Variants in CEP85L observed in about 807,000 individuals in gnomAD.
The protein encoded by CEP85L is centrosomal protein 85L.
A neutral mutation model predicts 100.3 loss-of-function variants in CEP85L; 60 were observed. That is an observed-to-expected ratio of 0.60 (90% CI 0.49 to 0.74). CEP85L has a LOEUF of 0.74. CEP85L is among the 30% of genes least tolerant of loss of function. CEP85L has a pLI of 0.00. For synonymous variants in CEP85L, 319 were observed against 322.7 expected (o/e 0.99, Z 0.12); for missense variants, 973 against 936.2 (o/e 1.04, Z -0.51).
Position 118,494,731 on chromosome 6 carries a change from T to C in CEP85L, c.1258-2866A>G, listed in dbSNP as rs548509485. Among the ~76,000 whole-genome samples the C allele has an allele frequency of 8.0e-4, 122 of 152,300 alleles. 1 individual carries two copies. The highest frequency in any genetic ancestry group is 6.8e-3 in the Middle Eastern group (2 of 294). ...TACCACTGCATTACTAAAGCTCTAT[T>C]TACCACACTTATTAAACCTTGGACA... On this transcript the variant is annotated intron_variant, in intron 5 of 12. Coordinates refer to ENST00000368491, the MANE Select transcript of CEP85L (RefSeq NM_001042475.3).
chr6:118,629,158 A>G (rs1309647986), intron 2 of CEP85L, among the ~76,000 whole-genome samples: 1 of 152,260 alleles, frequency 6.6e-6, no homozygotes, highest in Non-Finnish European at 1.5e-5. Flanking sequence ...GTAAGTGTGT[A>G]GATTATATGT....
At chr6:118,668,831 T>C (rs1407776237) in intron 1 of CEP85L, among the ~76,000 whole-genome samples, 1 of 152,196 alleles carries the variant, frequency 6.6e-6, no homozygotes, top group East Asian at 1.9e-4. Context: ...CTCTTTGTTT[T>C]CATGTTGAAT....
At chr6:118,567,247 GTGTATA>G (rs1225455153) in intron 2 of CEP85L, among the ~76,000 whole-genome samples, 29 of 31,916 alleles carry the variant, frequency 9.1e-4, no homozygotes, top group Middle Eastern at 0.019. Flanking sequence ...GTGTGTGTGT[GTGTATA>G]TATATATATA....
chr6:118,649,332 C>T (rs899101394), intron 1 of CEP85L, among the ~76,000 whole-genome samples: 1 of 152,164 alleles, frequency 6.6e-6, no homozygotes, highest in African/African-American at 2.4e-5. Context: ...CAAATTTCTT[C>T]AATTAGGGTA....
At chr6:118,534,563 G>C (rs1002076108) in intron 3 of CEP85L, among the ~76,000 whole-genome samples, 3 of 152,182 alleles carry the variant, frequency 2.0e-5, no homozygotes, top group African/African-American at 7.2e-5. Flanking sequence ...TGAGGCAGGA[G>C]AATCGCTTGA....
chr6:118,567,249 G>GTATATATATATA (rs57181233), intron 2 of CEP85L, among the ~76,000 whole-genome samples: 1 of 43,766 alleles, frequency 2.3e-5, no homozygotes, highest in Non-Finnish European at 4.4e-5. Context: ...GTGTGTGTGT[G>GTATATATATATA]TATATATATA....
chr6:118,553,684 C>G (rs1778682743), intron 3 of CEP85L, among the ~76,000 whole-genome samples: 1 of 152,158 alleles, frequency 6.6e-6, no homozygotes, highest in Admixed American at 6.5e-5. Context: ...ACAAACTCTT[C>G]TTTTTCAATA....
intron 1 of CEP85L, among the ~76,000 whole-genome samples, chr6:118,675,926 G>T (rs988601954): frequency 6.6e-6 from 1 of 152,100 alleles, no homozygotes. Context: ...TCTGATAAAA[G>T]ATTTCAAAGA....
intron 2 of CEP85L, among the ~76,000 whole-genome samples, chr6:118,630,477 T>A (rs1774074975): frequency 6.6e-6 from 1 of 152,160 alleles, no homozygotes; most frequent in Non-Finnish European, 1.5e-5. Flanking sequence ...CACAAAAACC[T>A]ACACACGGCT....
intron 2 of CEP85L, among the ~76,000 whole-genome samples, chr6:118,584,239 C>T (rs995606213): frequency 1.3e-5 from 2 of 152,140 alleles, no homozygotes; most frequent in African/African-American, 4.8e-5. Context: ...TTTCAAAACC[C>T]AAGGCCCAGC....
chr6:118,586,662 GATCTTAAGCTGAAA>G (rs1780879614), intron 2 of CEP85L, among the ~76,000 whole-genome samples: 1 of 152,202 alleles, frequency 6.6e-6, no homozygotes, highest in Non-Finnish European at 1.5e-5. Context: ...AGAAATGGAA[GATCTTAAGCTGAAA>G]ATCATAAAAG....
intron 1 of CEP85L, among the ~76,000 whole-genome samples, chr6:118,650,740 G>C (rs1332976052): frequency 6.6e-6 from 1 of 152,192 alleles, no homozygotes; most frequent in African/African-American, 2.4e-5. Flanking sequence ...GCGCCTACCA[G>C]AAGTCGGGAG....
intron 10 of CEP85L, among the ~76,000 whole-genome samples, chr6:118,478,402 C>G (rs930931562): frequency 1.3e-5 from 2 of 152,060 alleles, no homozygotes; most frequent in African/African-American, 4.8e-5. Flanking sequence ...CAAATACCAT[C>G]TTCACAAATA....
At chr6:118,573,565 G>T (rs1294465881) in intron 2 of CEP85L, among the ~76,000 whole-genome samples, 10 of 152,140 alleles carry the variant, frequency 6.6e-5, no homozygotes. Context: ...GTGGTTAAAA[G>T]TAAAAATATA....
rs907221234 is a variant in CEP85L, at chr6:118,470,518, T to C, written c.2022+19A>G. 1.5e-5 allele frequency: 22 copies of C among 1,451,434 alleles called. No individual in the cohort carries two copies. Among genetic ancestry groups the C allele is most frequent in the Middle Eastern group, 3.8e-4 (2 of 5,250 alleles). 89.9% of individuals were successfully genotyped at this position (1,451,434 alleles called of 1,614,324 possible). A position where few individuals can be genotyped will look rare whatever the true frequency, so the allele number is the denominator to read the frequency against. On this transcript the variant is annotated intron_variant, in intron 11 of 12. Transcript: ENST00000368491. ...AGTGAATCATCCTTTCAAAGCAAAA[T>C]TGAATTTCTTCTACTCACTTCAAGC...
At chr6:118,623,647 C>T (rs746587466) in intron 2 of CEP85L, among the ~76,000 whole-genome samples, 67 of 152,110 alleles carry the variant, frequency 4.4e-4, no homozygotes, top group Non-Finnish European at 8.4e-4. Context: ...GTTAAGAATC[C>T]GAAATTCCCC....
chr6:118,484,242 G>A (rs763327598), intron 6 of CEP85L, among the ~76,000 whole-genome samples: 20 of 152,208 alleles, frequency 1.3e-4, no homozygotes, highest in Non-Finnish European at 2.4e-4. Flanking sequence ...CTTGAACTGG[G>A]GTGGCTGAGG....
chr6:118,495,755 T>C (rs753539633), intron 5 of CEP85L, among the ~76,000 whole-genome samples: 11 of 152,208 alleles, frequency 7.2e-5, no homozygotes, highest in Non-Finnish European at 1.2e-4. Context: ...AAAGGTGACA[T>C]GTGTTCATCT....
intron 3 of CEP85L, among the ~76,000 whole-genome samples, chr6:118,536,593 T>C (rs950372515): frequency 6.6e-5 from 10 of 152,196 alleles, no homozygotes; most frequent in African/African-American, 1.9e-4. Flanking sequence ...AGATGCACTA[T>C]AGATGACAGA....
Sources: allele counts gnomAD v4.1 joint callset (sites outside exome capture counted in the v4.1 genomes callset), GRCh38; gene constraint gnomAD v4.1.1; transcripts MANE v1.5; gene names NCBI Gene and HGNC (gene_info 2026-07-23, HGNC 2026-07-21).